The following SMAD2 variants were observed in gnomAD, a reference collection of about 807,000 sequenced individuals.
SMAD2 encodes SMAD family member 2, also known as MAD homolog 2.
A neutral mutation model predicts 64.4 loss-of-function variants in SMAD2; 8 were observed. That is an observed-to-expected ratio of 0.12 (90% CI 0.07 to 0.22). SMAD2 has a LOEUF of 0.22. Ranked by LOEUF, SMAD2 falls within the 10% of genes least tolerant of loss-of-function variation. The pLI is 1.00. For synonymous variants in SMAD2, 203 were observed against 195.8 expected (o/e 1.04, Z -0.31); for missense variants, 289 against 561.2 (o/e 0.51, Z 4.90).
At chr18:47,920,872 C>T (rs528591466) in intron 1 of SMAD2, among the ~76,000 whole-genome samples, 21 of 152,296 alleles carry the variant, frequency 1.4e-4, no homozygotes, top group Non-Finnish European at 2.8e-4. Context: ...TTCAGACACC[C>T]GGCCAGGCAC....
At chr18:47,864,584 T>C (rs998208676) in intron 6 of SMAD2, among the ~76,000 whole-genome samples, 3 of 152,172 alleles carry the variant, frequency 2.0e-5, no homozygotes, top group African/African-American at 7.2e-5. Flanking sequence ...TTCATCACTT[T>C]TTGGAGTTGA....
At chr18:47,857,048 G>A (rs150524436) in intron 6 of SMAD2, among the ~76,000 whole-genome samples, 7,569 of 151,630 alleles carry the variant, frequency 0.05, 588 homozygotes, top group East Asian at 0.21. Flanking sequence ...TAGTAGAGAC[G>A]GGGTTTCACC....
intron 2 of SMAD2, among the ~76,000 whole-genome samples, chr18:47,877,120 CTAAT>C (rs796396544): frequency 6.6e-5 from 10 of 151,354 alleles, no homozygotes; most frequent in African/African-American, 2.4e-4. Flanking sequence ...CATTGTTTTA[CTAAT>C]TTATTATTTT....
chr18:47,859,833 A>G (rs149075756), intron 6 of SMAD2, among the ~76,000 whole-genome samples: 10 of 152,344 alleles, frequency 6.6e-5, no homozygotes, highest in African/African-American at 2.4e-4. Context: ...CATTCTAATA[A>G]AAAATTAAAA....
At position 47,926,995 on chromosome 18, in the gene SMAD2, G is replaced by C. The variant is rs1183459814; in HGVS notation, c.-54+3366C>G. ...ACTGAGAAACAAAATATTAGGCTAG[G>C]GCTCTCTGATTCCAAAACCCAAGGC... On this transcript the variant is annotated intron_variant, in intron 1 of 10. Transcript: ENST00000262160. Among the ~76,000 whole-genome samples the C allele has an allele frequency of 3.3e-5, 5 of 152,100 alleles. No homozygotes were observed. The South Asian group carries it at 8.3e-4, about 25-fold the overall frequency.
chr18:47,910,169 T>C (rs1331645476), intron 1 of SMAD2, among the ~76,000 whole-genome samples: 2 of 97,728 alleles, frequency 2.0e-5, no homozygotes, highest in African/African-American at 7.9e-5. Flanking sequence ...ATTGTGGATA[T>C]GGAAAAAAAA....
chr18:47,897,181 C>A (rs538240567), intron 1 of SMAD2, among the ~76,000 whole-genome samples: 15 of 152,082 alleles, frequency 9.9e-5, no homozygotes, highest in East Asian at 3.9e-4. Context: ...AAAGACTATA[C>A]AAAAATACAT....
chr18:47,869,319 G>A lies in SMAD2; in HGVS notation c.444C>T (p.Asn148=), dbSNP rs1445556537. ...TTTTAAGATTAAAAGCATATTCGCA[G>A]TTTTCAATTGCCTTGAGTTCATGAT... ...HSHHELKAIE[N]CEYAFNLKKD... is the part of the protein sequence containing the mutation. The change falls in exon 4 of 11, where the codon AAC becomes AAT. Residue 148 remains asparagine, a synonymous_variant. Coordinates refer to ENST00000262160, the MANE Select transcript of SMAD2 (RefSeq NM_005901.6). 6.2e-7 allele frequency: 1 copy of A among 1,613,566 alleles called. No homozygotes were observed. The highest frequency in any genetic ancestry group is 2.2e-5 in the East Asian group (1 of 44,888).
chr18:47,851,214 TTTA>T (rs1224978578), intron 7 of SMAD2, 57 bp downstream of exon 7: 17 of 1,190,832 alleles, frequency 1.4e-5, no homozygotes, highest in East Asian at 2.3e-5. Context: ...AGAGATGATT[TTTA>T]TTATTAAGTA....
At chr18:47,848,797 T>C in intron 7 of SMAD2, 110 bp from the exon 8 acceptor site, 1 of 764,282 alleles carries the variant, frequency 1.3e-6, no homozygotes, top group Non-Finnish European at 2.2e-6. Context: ...CAGCCTGCAC[T>C]GGCAAAAGCT....
intron 2 of SMAD2, among the ~76,000 whole-genome samples, chr18:47,891,453 T>C (rs1340378387): frequency 6.6e-6 from 1 of 152,076 alleles, no homozygotes; most frequent in East Asian, 1.9e-4. Context: ...GAGACTGATT[T>C]TTCCACCGTA....
chr18:47,840,192 AT>A lies in SMAD2; in HGVS notation c.*1634del, dbSNP rs1913809032. The A allele has an allele frequency of 4.3e-6, 1 of 233,038 alleles. No individual in the cohort carries two copies. Among genetic ancestry groups the A allele is most frequent in the Non-Finnish European group, 8.5e-6 (1 of 117,926 alleles). The allele number at this position is 233,038 out of a possible 1,614,324, so 14.4% of individuals were successfully genotyped here. ...TAGAAAACCACCAAATGTTGAAAGT[AT>A]TGAAAATGATACCTATAGAGACAGG... On this transcript the variant is annotated 3_prime_UTR_variant, in exon 11 of 11. Transcript: ENST00000262160.
At chr18:47,862,508 T>C (rs1188317689) in intron 6 of SMAD2, among the ~76,000 whole-genome samples, 1 of 152,220 alleles carries the variant, frequency 6.6e-6, no homozygotes, top group East Asian at 1.9e-4. Context: ...TCCAGTTACC[T>C]GCCTCCATCT....
At chr18:47,868,259 T>C (rs1173374684) in intron 5 of SMAD2, 64 bp downstream of exon 5, 4 of 1,401,528 alleles carry the variant, frequency 2.9e-6, no homozygotes, top group Non-Finnish European at 4.0e-6. Context: ...TTACTAAAAC[T>C]TGAATGCTTA....
intron 2 of SMAD2, among the ~76,000 whole-genome samples, chr18:47,875,235 G>T (rs2032198918): frequency 6.6e-6 from 1 of 152,026 alleles, no homozygotes; most frequent in Non-Finnish European, 1.5e-5. Flanking sequence ...CAATTTTTAA[G>T]ATGCCTTTGG....
chr18:47,850,626 AT>A (rs1282409856), intron 7 of SMAD2, among the ~76,000 whole-genome samples: 1 of 35,642 alleles, frequency 2.8e-5, no homozygotes, highest in Non-Finnish European at 4.8e-5. Flanking sequence ...TATATATTAT[AT>A]ATATATTATA....
At chr18:47,929,967 T>A (rs2034931994) in intron 1 of SMAD2, among the ~76,000 whole-genome samples, 4 of 151,856 alleles carry the variant, frequency 2.6e-5, no homozygotes. Context: ...AGACTACCAC[T>A]GTTAACAAAG....
chr18:47,907,864 G>A (rs1364897090), intron 1 of SMAD2, among the ~76,000 whole-genome samples: 3 of 152,182 alleles, frequency 2.0e-5, no homozygotes, highest in African/African-American at 4.8e-5. Flanking sequence ...GAGCCCAGGA[G>A]GCAGAGGCTG....
chr18:47,850,207 TTATTATATATATGTATAATATATATTATA>T, intron 7 of SMAD2, among the ~76,000 whole-genome samples: 1 of 91,982 alleles, frequency 1.1e-5, no homozygotes, highest in Non-Finnish European at 2.0e-5. Flanking sequence ...TATATATATA[TTATTATATATATGTATAATATATATTATA>T]TATTATATAT....
Sources: gnomAD v4.1 joint callset for allele counts (sites outside exome capture counted in the v4.1 genomes callset) on GRCh38, gnomAD v4.1.1 for gene constraint, MANE v1.5 for transcripts, NCBI Gene and HGNC (gene_info 2026-07-23, HGNC 2026-07-21) for gene names.